The following SAMMSON variants were observed in gnomAD, a reference collection of about 807,000 sequenced individuals.
The protein encoded by SAMMSON is long intergenic non-protein coding RNA 1212.
chr3:70,074,708 GCCT>G (rs1253381601), intron 4 of SAMMSON, among the ~76,000 whole-genome samples: 1 of 152,012 alleles, frequency 6.6e-6, no homozygotes, highest in Non-Finnish European at 1.5e-5. Context: ...AATTTAGATA[GCCT>G]CCTCTCTGGT....
At chr3:70,257,737 C>A (rs1176073897) in intron 6 of SAMMSON, among the ~76,000 whole-genome samples, 1 of 152,120 alleles carries the variant, frequency 6.6e-6, no homozygotes, top group Non-Finnish European at 1.5e-5. Context: ...CAATCCTCTG[C>A]CAAATGACTT....
intron 3 of SAMMSON, among the ~76,000 whole-genome samples, chr3:70,067,093 A>G (rs2067212465): frequency 6.6e-6 from 1 of 151,930 alleles, no homozygotes. Flanking sequence ...AAGACCATCT[A>G]GAAGGGTCAG....
chr3:70,080,897 A>G (rs1175598408), intron 4 of SAMMSON, among the ~76,000 whole-genome samples: 1 of 152,186 alleles, frequency 6.6e-6, no homozygotes, highest in Non-Finnish European at 1.5e-5. Context: ...CTAAGTGTTC[A>G]AGTATAAGGA....
At chr3:70,178,888 C>A (rs1701029359) in intron 4 of SAMMSON, among the ~76,000 whole-genome samples, 1 of 151,996 alleles carries the variant, frequency 6.6e-6, no homozygotes, top group Non-Finnish European at 1.5e-5. Context: ...CATTCCCCAG[C>A]TACTAGGGAG....
chr3:70,020,659 C>G (rs1051873153), intron 3 of SAMMSON, among the ~76,000 whole-genome samples: 3 of 152,040 alleles, frequency 2.0e-5, no homozygotes, highest in Non-Finnish European at 4.4e-5. Flanking sequence ...CTGATTGAGC[C>G]TACTTGGATC....
At chr3:70,338,487 G>A (rs1702683813) in intron 7 of SAMMSON, among the ~76,000 whole-genome samples, 1 of 152,030 alleles carries the variant, frequency 6.6e-6, no homozygotes, top group South Asian at 2.1e-4. Context: ...TGACATGATT[G>A]TATATATAGA....
chr3:70,345,817 A>G (rs916588702), intron 7 of SAMMSON, among the ~76,000 whole-genome samples: 53 of 152,116 alleles, frequency 3.5e-4, no homozygotes, highest in Middle Eastern at 3.2e-3. Flanking sequence ...ACATGGCTTG[A>G]TAGCTTATTC....
chr3:70,171,311 A>ACTGATC (rs1700944661), intron 4 of SAMMSON, among the ~76,000 whole-genome samples: 1 of 151,816 alleles, frequency 6.6e-6, no homozygotes, highest in Admixed American at 6.6e-5. Flanking sequence ...AGTATAGAGA[A>ACTGATC]CTGATCACTA....
chr3:70,004,022 T>C (rs1385650035), intron 1 of SAMMSON, among the ~76,000 whole-genome samples: 1 of 152,092 alleles, frequency 6.6e-6, no homozygotes, highest in Non-Finnish European at 1.5e-5. Flanking sequence ...TCTTTTTTCT[T>C]TCTGTTTCTT....
intron 4 of SAMMSON, among the ~76,000 whole-genome samples, chr3:70,080,990 C>T (rs899818262): frequency 3.9e-5 from 6 of 152,174 alleles, no homozygotes; most frequent in African/African-American, 1.4e-4. Context: ...TTTCTTTGAA[C>T]GACAGACTTC....
At chr3:70,128,007 A>T (rs2067466629) in intron 4 of SAMMSON, among the ~76,000 whole-genome samples, 1 of 152,218 alleles carries the variant, frequency 6.6e-6, no homozygotes, top group Non-Finnish European at 1.5e-5. Flanking sequence ...ACCAGAATGG[A>T]TAACGTTCCT....
chr3:70,410,682 C>T lies in SAMMSON; in HGVS notation n.234-51878C>T, dbSNP rs548204746. ...CCACAATTTTATAATTTGTTACTAT[C>T]GCTTAAATTTGATTAGGCTATAGCT... On this transcript the variant is annotated intron_variant and non_coding_transcript_variant, in intron 2 of 3. Coordinates refer to the SAMMSON transcript ENST00000641053. 1.1e-4 allele frequency among the ~76,000 whole-genome samples: 16 copies of T among 152,214 alleles called. No individual in the cohort carries two copies. In the South Asian group the frequency reaches 2.1e-3, roughly 20 times the overall value.
intron 7 of SAMMSON, among the ~76,000 whole-genome samples, chr3:70,328,738 G>T (rs1347672049): frequency 6.6e-6 from 1 of 152,022 alleles, no homozygotes; most frequent in Non-Finnish European, 1.5e-5. Context: ...GCAGTGAGGA[G>T]ACAGGGAAAA....
At chr3:70,019,420 T>C (rs956150095) in intron 3 of SAMMSON, among the ~76,000 whole-genome samples, 15 of 152,180 alleles carry the variant, frequency 9.9e-5, no homozygotes, top group Non-Finnish European at 1.5e-4. Flanking sequence ...CCTTTTTTTG[T>C]TTTACATTTG....
At chr3:70,378,745 A>G (rs79901688) in intron 9 of SAMMSON, among the ~76,000 whole-genome samples, 1 of 152,100 alleles carries the variant, frequency 6.6e-6, no homozygotes, top group Admixed American at 6.6e-5. Flanking sequence ...CCCAAAACAC[A>G]TTGGTACAAG....
rs560058919 is a variant in SAMMSON at position 70,307,504 on chromosome 3, T to TC, written n.739+16269dup. Among the ~76,000 whole-genome samples, 363 of 151,622 alleles carry TC rather than the reference T, an allele frequency of 2.4e-3. 2 individuals carry two copies. Among genetic ancestry groups the TC allele is most frequent in the African/African-American group, 6.3e-3 (261 of 41,302 alleles). On this transcript the variant is annotated intron_variant and non_coding_transcript_variant, in intron 7 of 9. Coordinates refer to ENST00000642114, the Ensembl canonical transcript of SAMMSON. ...CTGACATCCTATTCCACCTGTAATT[T>TC]CCCCCCCCAATTTCTATGTTATAAC...
intron 1 of SAMMSON, among the ~76,000 whole-genome samples, chr3:70,003,770 C>A (rs1376463251): frequency 6.6e-6 from 1 of 151,858 alleles, no homozygotes; most frequent in Non-Finnish European, 1.5e-5. Flanking sequence ...CTGGGATAAT[C>A]TTCCTTCAGC....
chr3:70,346,975 C>T (rs1431255657), intron 7 of SAMMSON, among the ~76,000 whole-genome samples: 1 of 152,156 alleles, frequency 6.6e-6, no homozygotes, highest in African/African-American at 2.4e-5. Context: ...TATGCAAAGA[C>T]ATGCGCTGAT....
At chr3:70,425,178 A>G (rs1701351587) in intron 2 of SAMMSON, 1 of 152,180 alleles carries the variant, frequency 6.6e-6, no homozygotes, top group African/African-American at 2.4e-5. Context: ...AGCAATGATA[A>G]TGTGTCACAT....
Sources: gnomAD v4.1 joint callset for allele counts (sites outside exome capture counted in the v4.1 genomes callset) on GRCh38, gnomAD v4.1.1 for gene constraint, MANE v1.5 for transcripts, NCBI Gene and HGNC (gene_info 2026-07-23, HGNC 2026-07-21) for gene names.